FAM174A: variants seen among roughly 807,000 people sequenced by gnomAD.
The protein encoded by FAM174A is membrane protein FAM174A.
Under a neutral mutation model 14.3 loss-of-function variants are expected in FAM174A, and 14 were observed. The observed-to-expected ratio is 0.98, with a 90% CI of 0.65 to 1.53. The LOEUF is 1.53. Among genes scored for constraint, FAM174A ranks in the 40% most tolerant of loss-of-function variants. The pLI is 0.00. For synonymous variants in FAM174A, 108 were observed against 111.4 expected (o/e 0.97, Z 0.19); for missense variants, 241 against 249.6 (o/e 0.97, Z 0.23).
chr5:100,538,423 A>G (rs896724858), intron 1 of FAM174A, among the ~76,000 whole-genome samples: 5 of 152,136 alleles, frequency 3.3e-5, no homozygotes, highest in Non-Finnish European at 7.4e-5. Context: ...TTCATTTATA[A>G]TGAATATGTA....
At chr5:100,585,507 G>A (rs1486053620) in intron 2 of FAM174A, among the ~76,000 whole-genome samples, 2 of 152,066 alleles carry the variant, frequency 1.3e-5, no homozygotes, top group South Asian at 2.1e-4. Flanking sequence ...TCCGCCTCCC[G>A]AGTTCAAGTG....
chr5:100,541,713 C>G (rs1746056873), intron 1 of FAM174A, among the ~76,000 whole-genome samples: 1 of 152,020 alleles, frequency 6.6e-6, no homozygotes. Context: ...TTGAAATGTT[C>G]CCATTTCCAT....
intron 1 of FAM174A, among the ~76,000 whole-genome samples, chr5:100,546,294 AC>A (rs1746162688): frequency 6.6e-6 from 1 of 152,150 alleles, no homozygotes; most frequent in Admixed American, 6.5e-5. Context: ...AAATGCCTTA[AC>A]CTAGAAAAGG....
At chr5:100,554,011 A>G (rs1177926965) in intron 1 of FAM174A, among the ~76,000 whole-genome samples, 1 of 152,268 alleles carries the variant, frequency 6.6e-6, no homozygotes, top group Non-Finnish European at 1.5e-5. Context: ...CATATTGACT[A>G]TTTGATATAT....
At chr5:100,541,943 G>T (rs971838928) in intron 1 of FAM174A, among the ~76,000 whole-genome samples, 8 of 152,136 alleles carry the variant, frequency 5.3e-5, no homozygotes, top group African/African-American at 1.9e-4. Context: ...GCTTCTTCAT[G>T]AATTTCTTAT....
intron 2 of FAM174A, among the ~76,000 whole-genome samples, chr5:100,581,937 C>T (rs559259297): frequency 3.9e-5 from 6 of 152,166 alleles, no homozygotes; most frequent in South Asian, 4.1e-4. Context: ...AGTCTCAAAA[C>T]GCCTTTCTGA....
At chr5:100,577,938 G>C (rs1746934534) in intron 2 of FAM174A, among the ~76,000 whole-genome samples, 1 of 151,992 alleles carries the variant, frequency 6.6e-6, no homozygotes, top group Non-Finnish European at 1.5e-5. Flanking sequence ...GGATTCTAAG[G>C]CATTATTATT....
At chr5:100,547,348 G>T (rs1352059548) in intron 1 of FAM174A, among the ~76,000 whole-genome samples, 3 of 152,006 alleles carry the variant, frequency 2.0e-5, no homozygotes, top group Non-Finnish European at 4.4e-5. Context: ...TTAATGGTGG[G>T]ATCCTAATAT....
At chr5:100,577,843 A>AT (rs1276753942) in intron 2 of FAM174A, among the ~76,000 whole-genome samples, 2 of 151,980 alleles carry the variant, frequency 1.3e-5, no homozygotes, top group African/African-American at 4.8e-5. Context: ...CTTTTATATA[A>AT]TTTTTTCCAA....
chr5:100,585,855 G>A (rs558746814), intron 2 of FAM174A, among the ~76,000 whole-genome samples: 1 of 152,194 alleles, frequency 6.6e-6, no homozygotes, highest in East Asian at 1.9e-4. Flanking sequence ...TCATTCAACA[G>A]TCAACTGTAT....
At chr5:100,582,066 T>A (rs1027542899) in intron 2 of FAM174A, among the ~76,000 whole-genome samples, 3 of 152,192 alleles carry the variant, frequency 2.0e-5, no homozygotes, top group Non-Finnish European at 4.4e-5. Flanking sequence ...GTGATAGAAT[T>A]TGGATTAGGT....
chr5:100,541,555 C>A (rs1746053378), intron 1 of FAM174A, among the ~76,000 whole-genome samples: 1 of 151,868 alleles, frequency 6.6e-6, no homozygotes, highest in African/African-American at 2.4e-5. Flanking sequence ...TAAGAATGAA[C>A]TATCCAGTCT....
At chr5:100,584,491 A>AT (rs1747089293) in intron 2 of FAM174A, among the ~76,000 whole-genome samples, 1 of 151,952 alleles carries the variant, frequency 6.6e-6, no homozygotes, top group African/African-American at 2.4e-5. Flanking sequence ...TAGCTTGACA[A>AT]TTTTTTTAAG....
chr5:100,550,714 G>A (rs952097217), intron 1 of FAM174A, among the ~76,000 whole-genome samples: 1 of 152,170 alleles, frequency 6.6e-6, no homozygotes, highest in African/African-American at 2.4e-5. Context: ...GTAGAGGTTT[G>A]TGACCTAGTT....
At chr5:100,555,167 G>A (rs1217246052) in intron 1 of FAM174A, among the ~76,000 whole-genome samples, 2 of 151,738 alleles carry the variant, frequency 1.3e-5, no homozygotes, top group Non-Finnish European at 2.9e-5. Flanking sequence ...CTATGAGTGA[G>A]AACATGCGGT....
intron 1 of FAM174A, among the ~76,000 whole-genome samples, chr5:100,545,199 T>C (rs1185745156): frequency 1.3e-5 from 2 of 152,210 alleles, no homozygotes; most frequent in Non-Finnish European, 2.9e-5. Flanking sequence ...AGGTTTGATC[T>C]TTTCTAAAAT....
chr5:100,558,404 T>C (rs1284962304), intron 1 of FAM174A, among the ~76,000 whole-genome samples: 1 of 152,184 alleles, frequency 6.6e-6, no homozygotes, highest in African/African-American at 2.4e-5. Context: ...CTGAAAAGAA[T>C]GTATATTCTG....
intron 2 of FAM174A, among the ~76,000 whole-genome samples, chr5:100,576,332 G>A (rs1364034889): frequency 6.6e-6 from 1 of 152,018 alleles, no homozygotes; most frequent in East Asian, 1.9e-4. Flanking sequence ...TCTCCTCTGT[G>A]ATTCCCTTGG....
intron 1 of FAM174A, among the ~76,000 whole-genome samples, chr5:100,536,775 G>A (rs1478722907): frequency 6.6e-6 from 1 of 152,154 alleles, no homozygotes; most frequent in East Asian, 1.9e-4. Context: ...CCTCTGTATT[G>A]TAATTTAACA....
Sources: allele counts gnomAD v4.1 joint callset (sites outside exome capture counted in the v4.1 genomes callset), GRCh38; gene constraint gnomAD v4.1.1; transcripts MANE v1.5; gene names NCBI Gene and HGNC (gene_info 2026-07-23, HGNC 2026-07-21).